Variants in EEA1 observed in about 807,000 individuals in gnomAD.
The protein encoded by EEA1 is early endosome antigen 1.
EEA1 carries 111 observed loss-of-function variants against 209.2 expected under a neutral mutation model. That is an observed-to-expected ratio of 0.53 (90% CI 0.45 to 0.62). EEA1 has a LOEUF of 0.62. Among genes scored for constraint, EEA1 ranks in the 20% least tolerant of loss-of-function variants. The pLI is 0.00. For missense variants in EEA1, 1,343 were observed against 1,530.8 expected, an observed-to-expected ratio of 0.88 and a Z score of 2.05; for synonymous variants, 536 against 540.6, an observed-to-expected ratio of 0.99 and a Z score of 0.12.
At chr12:92,849,196 C>T (rs1347212297) in intron 9 of EEA1, among the ~76,000 whole-genome samples, 1 of 152,010 alleles carries the variant, frequency 6.6e-6, no homozygotes, top group Admixed American at 6.6e-5. Context: ...TTTTAGTCAC[C>T]ATAATACATT....
intron 22 of EEA1, among the ~76,000 whole-genome samples, chr12:92,785,472 G>C: frequency 6.6e-6 from 1 of 152,014 alleles, no homozygotes; most frequent in Non-Finnish European, 1.5e-5. Context: ...CATCATTGAA[G>C]CAAAAGAAAA....
At chr12:92,778,420 C>T (rs1378537952) in intron 25 of EEA1, among the ~76,000 whole-genome samples, 1 of 151,902 alleles carries the variant, frequency 6.6e-6, no homozygotes. Flanking sequence ...TAAAGTGACA[C>T]AATGTGAGAT....
rs1443925724 is a variant in EEA1, at chr12:92,778,801, C to T, written c.3654+314G>A. Among the ~76,000 whole-genome samples the T allele has an allele frequency of 2.6e-5, 4 of 152,020 alleles. 1 individual carries two copies. On this transcript the variant is annotated intron_variant, in intron 25 of 28. Transcript: ENST00000322349. The stretch of plus-strand genomic sequence containing the variant: ...GTTTTGACCCAACAAATGGGTTTAA[C>T]ATGACTAGCATTCACACCATTTACC...
intron 5 of EEA1, among the ~76,000 whole-genome samples, chr12:92,855,151 C>T (rs1877811464): frequency 6.6e-6 from 1 of 152,148 alleles, no homozygotes; most frequent in Non-Finnish European, 1.5e-5. Context: ...CTATCACGGC[C>T]GGGCGCGGTG....
chr12:92,864,241 A>C (rs1878276071), intron 3 of EEA1, among the ~76,000 whole-genome samples: 2 of 152,142 alleles, frequency 1.3e-5, no homozygotes, highest in Admixed American at 6.5e-5. Context: ...TTTTTTAGGA[A>C]AGCATAAAAA....
chr12:92,888,654 G>C (rs1879520357), intron 2 of EEA1, among the ~76,000 whole-genome samples: 1 of 149,846 alleles, frequency 6.7e-6, no homozygotes, highest in Admixed American at 6.7e-5. Flanking sequence ...AATAAGGAAT[G>C]GTAAACAACT....
At position 92,774,486 on chromosome 12, in the gene EEA1, CTGAA is replaced by C. The variant is rs1201617043; in HGVS notation, c.*1521_*1524del. On this transcript the variant is annotated 3_prime_UTR_variant, in exon 29 of 29. Coordinates refer to ENST00000322349, the MANE Select transcript of EEA1 (RefSeq NM_003566.4). ...TAACTACTGTTATAAAATGATTGCA[CTGAA>C]TGAATGTATAACTACACTTCTTCTC... The C allele has an allele frequency of 2.0e-5, 3 of 151,648 alleles. No individual in the cohort carries two copies. The highest frequency in any genetic ancestry group is 1.9e-4 in the East Asian group (1 of 5,186). The allele number at this position is 151,648 out of a possible 1,614,324, so 9.4% of individuals were successfully genotyped here. A position where few individuals can be genotyped will look rare whatever the true frequency, so the allele number is the denominator to read the frequency against.
At chr12:92,897,458 A>G (rs1879934331) in intron 1 of EEA1, among the ~76,000 whole-genome samples, 1 of 152,192 alleles carries the variant, frequency 6.6e-6, no homozygotes, top group Non-Finnish European at 1.5e-5. Context: ...ACATGAGGTG[A>G]GCGTGAAGTG....
intron 18 of EEA1, among the ~76,000 whole-genome samples, chr12:92,804,571 CAAAAAAAA>C (rs1195692496): frequency 4.2e-5 from 2 of 47,738 alleles, no homozygotes; most frequent in Admixed American, 4.3e-4. Flanking sequence ...GACTCTGTCT[CAAAAAAAA>C]AAAAAAAAAA....
At chr12:92,782,194 AAC>A in intron 22 of EEA1, 59 bp from the exon 23 acceptor site, 2 of 1,366,760 alleles carry the variant, frequency 1.5e-6, no homozygotes, top group Non-Finnish European at 1.0e-6. Flanking sequence ...ATTCAACAGA[AAC>A]ATAGTTAATA....
In EEA1 at chr12:92,774,685, T is replaced by C. The variant is rs1056172886; in HGVS notation, c.*1326A>G. 1.4e-4 allele frequency: 21 copies of C among 151,696 alleles called. No homozygotes were observed. The highest frequency in any genetic ancestry group is 4.6e-4 in the African/African-American group (19 of 41,418). 9.4% of individuals were successfully genotyped at this position (151,696 alleles called of 1,614,324 possible). A position where few individuals can be genotyped will look rare whatever the true frequency, so the allele number is the denominator to read the frequency against. On this transcript the variant is annotated 3_prime_UTR_variant, in exon 29 of 29. Transcript: ENST00000322349. The stretch of plus-strand genomic sequence containing the variant: ...TTAGCCATGCTGTTTCAGTTTTTAT[T>C]GTAACTGGGATTCCTAAATACATTT...
intron 3 of EEA1, among the ~76,000 whole-genome samples, chr12:92,860,475 T>C (rs529378205): frequency 7.2e-5 from 11 of 152,336 alleles, no homozygotes; most frequent in African/African-American, 2.2e-4. Flanking sequence ...ATTGCTTATT[T>C]ATTGTATTCT....
intron 1 of EEA1, among the ~76,000 whole-genome samples, chr12:92,918,886 A>C (rs1171826634): frequency 1.4e-5 from 2 of 143,836 alleles, no homozygotes; most frequent in Non-Finnish European, 3.1e-5. Context: ...AGAATCAAAT[A>C]GACACAATGA....
intron 21 of EEA1, among the ~76,000 whole-genome samples, chr12:92,794,734 G>C (rs1565810989): frequency 6.6e-6 from 1 of 151,218 alleles, no homozygotes; most frequent in Admixed American, 6.6e-5. Flanking sequence ...CCTGTCGGGG[G>C]GTGGGGGGCT....
At chr12:92,903,146 C>T (rs1464347644) in intron 1 of EEA1, among the ~76,000 whole-genome samples, 3 of 151,504 alleles carry the variant, frequency 2.0e-5, no homozygotes, top group Admixed American at 6.6e-5. Context: ...ACCGTGTTAG[C>T]CAGGATGGTC....
intron 3 of EEA1, chr12:92,858,602 T>C: frequency 1.3e-6 from 1 of 743,952 alleles, no homozygotes; most frequent in Admixed American, 1.7e-5. Flanking sequence ...AATGGCACTT[T>C]GCCTGGGTTA....
intron 1 of EEA1, among the ~76,000 whole-genome samples, chr12:92,896,010 T>C (rs1172300948): frequency 6.6e-6 from 1 of 151,848 alleles, no homozygotes; most frequent in Non-Finnish European, 1.5e-5. Context: ...ACTTTTGCTC[T>C]GTCACCAGGC....
intron 17 of EEA1, among the ~76,000 whole-genome samples, chr12:92,809,361 A>G (rs185561303): frequency 2.3e-3 from 354 of 151,976 alleles, no homozygotes; most frequent in African/African-American, 8.1e-3. Flanking sequence ...AGCTTTATAC[A>G]TGATAGACTG....
At chr12:92,914,828 T>C (rs1359046500) in intron 1 of EEA1, among the ~76,000 whole-genome samples, 4 of 152,102 alleles carry the variant, frequency 2.6e-5, no homozygotes, top group Admixed American at 2.0e-4. Flanking sequence ...CACGACCAAC[T>C]AATTTTTGTC....
Sources: gnomAD v4.1 joint callset for allele counts (sites outside exome capture counted in the v4.1 genomes callset) on GRCh38, gnomAD v4.1.1 for gene constraint, MANE v1.5 for transcripts, NCBI Gene and HGNC (gene_info 2026-07-23, HGNC 2026-07-21) for gene names.